NELL1: variants seen among roughly 807,000 people sequenced by gnomAD.
The protein encoded by NELL1 is protein kinase C-binding protein NELL1.
NELL1 carries 76 observed loss-of-function variants against 107.4 expected under a neutral mutation model. The ratio of observed to expected loss-of-function variants is 0.71; its 90% CI spans 0.59 to 0.86. The LOEUF is 0.86. NELL1 is among the 40% of genes least tolerant of loss of function. The pLI, the probability that NELL1 is intolerant of heterozygous loss-of-function variation, is 0.00. For missense variants in NELL1, 1,024 were observed against 1,005.5 expected, an observed-to-expected ratio of 1.02 and a Z score of -0.25; for synonymous variants, 353 against 341.2, an observed-to-expected ratio of 1.03 and a Z score of -0.38.
At chr11:21,195,245 C>T (rs184364610) in intron 13 of NELL1, among the ~76,000 whole-genome samples, 37 of 152,148 alleles carry the variant, frequency 2.4e-4, no homozygotes, top group African/African-American at 6.5e-4. Context: ...ATACATTGTA[C>T]GAAGGCTGTC....
intron 2 of NELL1, among the ~76,000 whole-genome samples, chr11:20,684,630 G>C (rs982733597): frequency 5.9e-5 from 9 of 151,956 alleles, no homozygotes; most frequent in African/African-American, 2.2e-4. Flanking sequence ...CTTAATTTTT[G>C]ATTAATGGCC....
intron 13 of NELL1, among the ~76,000 whole-genome samples, chr11:21,149,217 C>A (rs897750491): frequency 1.4e-4 from 22 of 152,298 alleles, no homozygotes; most frequent in Middle Eastern, 3.4e-3. Context: ...GTATTAGATA[C>A]ATCCCCTCTA....
At chr11:20,974,704 C>T (rs986288792) in intron 12 of NELL1, among the ~76,000 whole-genome samples, 2 of 152,066 alleles carry the variant, frequency 1.3e-5, no homozygotes, top group African/African-American at 4.8e-5. Context: ...GTTAGCTCTC[C>T]CTTCTGGGCT....
In NELL1 at chr11:21,515,675, CG is replaced by C. The variant is rs549919817; in HGVS notation, c.1646-18697del. 5.6e-3 allele frequency among the ~76,000 whole-genome samples: 859 copies of C among 152,078 alleles called. 12 individuals are homozygous for C. The highest frequency in any genetic ancestry group is 0.02 in the African/African-American group (821 of 41,462). ...ATATTGTATGATAGCACATCCATTA[CG>C]GTTCCATGCTGCACCTGCCCTAAGG... On this transcript the variant is annotated intron_variant, in intron 15 of 19. Transcript: ENST00000357134.
intron 3 of NELL1, among the ~76,000 whole-genome samples, chr11:20,836,631 T>A: frequency 6.7e-6 from 1 of 148,762 alleles, no homozygotes; most frequent in South Asian, 2.1e-4. Flanking sequence ...CTTTTTTTTT[T>A]ATGGCTGATC....
intron 18 of NELL1, 137 bp downstream of exon 18, chr11:21,571,077 G>C (rs1404528414): frequency 1.8e-5 from 12 of 662,756 alleles, no homozygotes; most frequent in South Asian, 1.1e-4. Context: ...TAAGGGTCAT[G>C]TTCTCTTCCT....
At chr11:20,838,144 T>A (rs1319458296) in intron 3 of NELL1, among the ~76,000 whole-genome samples, 1 of 151,754 alleles carries the variant, frequency 6.6e-6, no homozygotes, top group Non-Finnish European at 1.5e-5. Flanking sequence ...ACATTACTTC[T>A]ATGGCATTCC....
At chr11:20,673,224 CTG>C (rs1290937125) in intron 1 of NELL1, among the ~76,000 whole-genome samples, 1 of 152,050 alleles carries the variant, frequency 6.6e-6, no homozygotes, top group Non-Finnish European at 1.5e-5. Context: ...AATAATGGAA[CTG>C]TGAACATGAG....
intron 15 of NELL1, among the ~76,000 whole-genome samples, chr11:21,473,473 A>G (rs945672033): frequency 9.9e-5 from 15 of 152,080 alleles, no homozygotes; most frequent in African/African-American, 3.6e-4. Flanking sequence ...TTCATTTAAG[A>G]TTACCTGTTC....
At chr11:20,916,016 T>C (rs1490717479) in intron 5 of NELL1, among the ~76,000 whole-genome samples, 1 of 151,756 alleles carries the variant, frequency 6.6e-6, no homozygotes, top group Non-Finnish European at 1.5e-5. Flanking sequence ...ACCACTTTTC[T>C]TTTAATCCAG....
At chr11:21,295,611 A>G (rs570138247) in intron 14 of NELL1, among the ~76,000 whole-genome samples, 1 of 152,204 alleles carries the variant, frequency 6.6e-6, no homozygotes, top group Admixed American at 6.5e-5. Context: ...AAAAGGTGAC[A>G]TCACTAAAGG....
At chr11:20,886,690 T>C (rs1413917534) in intron 5 of NELL1, among the ~76,000 whole-genome samples, 4 of 152,124 alleles carry the variant, frequency 2.6e-5, no homozygotes, top group Non-Finnish European at 5.9e-5. Flanking sequence ...CATCATACAC[T>C]GGGGCTGGGA....
chr11:21,486,018 G>A (rs1390027892), intron 15 of NELL1, among the ~76,000 whole-genome samples: 2 of 152,166 alleles, frequency 1.3e-5, no homozygotes, highest in African/African-American at 4.8e-5. Flanking sequence ...CAACATCACC[G>A]TGGACCACTG....
chr11:21,291,611 TACA>T (rs1256558606), intron 14 of NELL1, among the ~76,000 whole-genome samples: 2 of 151,908 alleles, frequency 1.3e-5, no homozygotes, highest in Non-Finnish European at 2.9e-5. Context: ...CTGGCAGAGA[TACA>T]ACAACAAAAA....
At chr11:20,867,063 G>A (rs1849109190) in intron 4 of NELL1, among the ~76,000 whole-genome samples, 1 of 152,080 alleles carries the variant, frequency 6.6e-6, no homozygotes, top group South Asian at 2.1e-4. Flanking sequence ...ACAACTTTGG[G>A]GCAATGGACA....
chr11:21,455,508 TG>T (rs1853705530), intron 15 of NELL1, among the ~76,000 whole-genome samples: 1 of 151,880 alleles, frequency 6.6e-6, no homozygotes, highest in Non-Finnish European at 1.5e-5. Flanking sequence ...ATTTTTAAAA[TG>T]TTTTTGTATA....
chr11:21,523,924 CGTATAT>C (rs1218338939), intron 15 of NELL1, among the ~76,000 whole-genome samples: 2 of 151,754 alleles, frequency 1.3e-5, no homozygotes, highest in African/African-American at 4.8e-5. Context: ...TATATACATA[CGTATAT>C]GTATATGTAT....
chr11:21,552,250 C>T (rs185872813), intron 16 of NELL1, among the ~76,000 whole-genome samples: 54 of 151,554 alleles, frequency 3.6e-4, no homozygotes, highest in African/African-American at 1.2e-3. Flanking sequence ...AACTAACCTG[C>T]ACATTGTGCA....
chr11:20,737,447 G>T (rs997729559), intron 2 of NELL1, among the ~76,000 whole-genome samples: 1 of 151,980 alleles, frequency 6.6e-6, no homozygotes, highest in Non-Finnish European at 1.5e-5. Flanking sequence ...AAAATAACTT[G>T]CTACAAAAAA....
Sources: allele counts gnomAD v4.1 joint callset (sites outside exome capture counted in the v4.1 genomes callset), GRCh38; gene constraint gnomAD v4.1.1; transcripts MANE v1.5; gene names NCBI Gene and HGNC (gene_info 2026-07-23, HGNC 2026-07-21).